The following PIP4K2A variants were observed in gnomAD, a reference collection of about 807,000 sequenced individuals.
The protein encoded by PIP4K2A is phosphatidylinositol 5-phosphate 4-kinase type-2 alpha.
Under a neutral mutation model 42.9 loss-of-function variants are expected in PIP4K2A, and 14 were observed. The ratio of observed to expected loss-of-function variants is 0.33; its 90% CI spans 0.22 to 0.51. PIP4K2A has a LOEUF of 0.51. Among genes scored for constraint, PIP4K2A ranks in the 20% least tolerant of loss-of-function variants. The probability of loss-of-function intolerance (pLI) is 0.97; values close to 1 mark genes in which losing one functional copy is unlikely to be tolerated. For synonymous variants in PIP4K2A, 192 were observed against 192.2 expected, an observed-to-expected ratio of 1.00 and a Z score of 0.01; for missense variants, 434 against 519.8, an observed-to-expected ratio of 0.83 and a Z score of 1.61.
chr10:22,579,669 G>C (rs879556073), intron 4 of PIP4K2A, among the ~76,000 whole-genome samples: 1 of 152,130 alleles, frequency 6.6e-6, no homozygotes, highest in Non-Finnish European at 1.5e-5. Flanking sequence ...ACTTTGGGAG[G>C]CAGGGGAGGG....
Position 22,656,829 on chromosome 10 carries a change from G to A in PIP4K2A, c.145-47112C>T, listed in dbSNP as rs147119009. 4.0e-3 allele frequency among the ~76,000 whole-genome samples: 595 copies of A among 150,576 alleles called. 4 individuals carry two copies. The highest frequency in any genetic ancestry group is 0.014 in the African/African-American group (569 of 41,070). On this transcript the variant is annotated intron_variant, in intron 1 of 9. Transcript: ENST00000376573. ...AAAAAAAAAGCAAAGAAAAAAGAAA[G>A]AGCCAGGCCATGGTAAACTATATGA... is the stretch of plus-strand genomic sequence containing the variant.
In PIP4K2A at chr10:22,591,727, C is replaced by T; in HGVS notation, c.394G>A (p.Ala132Thr). The T allele has an allele frequency of 6.2e-7, 1 of 1,613,648 alleles. No homozygotes were observed. The highest frequency in any genetic ancestry group is 2.2e-5 in the East Asian group (1 of 44,848). ...LPNDSQARSG[A>T]RFHTSYDKRY... ...TTGTCGTAGGAAGTGTGAAAACGAGCTCCACTGCGGGCCTGGGAGTCGTTG... is the reference window on the plus strand; with the variant it reads ...TTGTCGTAGGAAGTGTGAAAACGAGTTCCACTGCGGGCCTGGGAGTCGTTG... The change falls in exon 4 of 10, where the codon GCT (alanine) becomes ACT (threonine). Residue 132 changes from alanine to threonine, a missense_variant. Ala to Thr is a moderately conservative substitution (Grantham distance 58). Transcript: ENST00000376573.
intron 1 of PIP4K2A, among the ~76,000 whole-genome samples, chr10:22,667,992 C>A (rs1839382901): frequency 6.6e-6 from 1 of 151,684 alleles, no homozygotes. Context: ...CACTCTATCA[C>A]CCAGGCTGGA....
intron 6 of PIP4K2A, among the ~76,000 whole-genome samples, chr10:22,564,570 A>C (rs1836792557): frequency 6.6e-6 from 1 of 152,208 alleles, no homozygotes; most frequent in Non-Finnish European, 1.5e-5. Flanking sequence ...TGAGCTTCTC[A>C]TGGGCTAAAA....
At chr10:22,695,516 T>C (rs1253519354) in intron 1 of PIP4K2A, among the ~76,000 whole-genome samples, 1 of 152,092 alleles carries the variant, frequency 6.6e-6, no homozygotes, top group Non-Finnish European at 1.5e-5. Flanking sequence ...AGGGATTTCC[T>C]AGGAGAGCTA....
At chr10:22,607,850 C>A (rs2765997) in intron 3 of PIP4K2A, 77 bp downstream of exon 3, 1 of 812,038 alleles carries the variant, frequency 1.2e-6, no homozygotes, top group African/African-American at 1.7e-5. Context: ...GACAAAAATA[C>A]AGATCCCAAT....
intron 1 of PIP4K2A, among the ~76,000 whole-genome samples, chr10:22,657,082 A>T (rs779687086): frequency 6.6e-6 from 1 of 152,230 alleles, no homozygotes; most frequent in African/African-American, 2.4e-5. Context: ...CTCTAGGGCC[A>T]TATTTTATTT....
chr10:22,701,574 G>T (rs1331452973), intron 1 of PIP4K2A, among the ~76,000 whole-genome samples: 1 of 152,190 alleles, frequency 6.6e-6, no homozygotes, highest in Non-Finnish European at 1.5e-5. Flanking sequence ...CTGGAAGGCT[G>T]CAGAAGTGCC....
intron 1 of PIP4K2A, among the ~76,000 whole-genome samples, chr10:22,672,714 C>T (rs139735031): frequency 3.8e-4 from 58 of 152,296 alleles, no homozygotes; most frequent in African/African-American, 1.3e-3. Flanking sequence ...GACAACCAGA[C>T]AGACGCAGAG....
intron 1 of PIP4K2A, among the ~76,000 whole-genome samples, chr10:22,611,349 C>T (rs922238268): frequency 4.0e-5 from 6 of 151,650 alleles, no homozygotes; most frequent in Non-Finnish European, 7.4e-5. Flanking sequence ...GTGATTGTAC[C>T]ACTGCACTCC....
intron 1 of PIP4K2A, among the ~76,000 whole-genome samples, chr10:22,621,193 C>T (rs566966365): frequency 6.6e-6 from 1 of 152,252 alleles, no homozygotes; most frequent in Non-Finnish European, 1.5e-5. Flanking sequence ...ATCTTGAGGC[C>T]AGCCTAATCC....
intron 6 of PIP4K2A, among the ~76,000 whole-genome samples, chr10:22,556,415 G>C (rs1836550178): frequency 6.6e-6 from 1 of 152,212 alleles, no homozygotes; most frequent in South Asian, 2.1e-4. Flanking sequence ...ACCCAAATGA[G>C]AGTAAAATGT....
chr10:22,541,629 C>CT (rs1204279924), intron 8 of PIP4K2A, among the ~76,000 whole-genome samples, 175 bp downstream of exon 8: 1 of 152,166 alleles, frequency 6.6e-6, no homozygotes. Context: ...TGTTTCAGCA[C>CT]TGAGATCACG....
intron 1 of PIP4K2A, among the ~76,000 whole-genome samples, chr10:22,710,957 T>C (rs1833901928): frequency 6.6e-6 from 1 of 152,254 alleles, no homozygotes; most frequent in Non-Finnish European, 1.5e-5. Context: ...CTCATATCAT[T>C]CAACATCCTC....
chr10:22,674,415 CAA>C (rs1002492534), intron 1 of PIP4K2A, among the ~76,000 whole-genome samples: 52 of 61,128 alleles, frequency 8.5e-4, no homozygotes, highest in African/African-American at 2.2e-3. Flanking sequence ...CACTTGGGAG[CAA>C]AAAAAAAAAA....
Position 22,711,429 on chromosome 10 carries a change from G to A in PIP4K2A, c.144+2754C>T, listed in dbSNP as rs1029588160. On this transcript the variant is annotated intron_variant, in intron 1 of 9. Transcript: ENST00000376573. The stretch of plus-strand genomic sequence containing the variant: ...AATTCCCTGAATGTTGCTGCATTTG[G>A]AAGGTTATAATAGTAAGACAACTTT... Among the ~76,000 whole-genome samples, 7 of 152,190 alleles carry A rather than the reference G, an allele frequency of 4.6e-5. No homozygotes were observed. In the East Asian group the frequency reaches 1.3e-3, roughly 29 times the overall value.
chr10:22,599,038 C>T (rs758360275), intron 3 of PIP4K2A, among the ~76,000 whole-genome samples: 2 of 151,684 alleles, frequency 1.3e-5, no homozygotes, highest in African/African-American at 2.4e-5. Flanking sequence ...CAGCCAAAAT[C>T]AACTTTGGGA....
intron 7 of PIP4K2A, among the ~76,000 whole-genome samples, chr10:22,545,943 T>G (rs1421814131): frequency 6.6e-6 from 1 of 152,198 alleles, no homozygotes; most frequent in African/African-American, 2.4e-5. Context: ...TGGCCTCAAG[T>G]GATCCTCCTG....
At chr10:22,594,773 T>C (rs1298856747) in intron 3 of PIP4K2A, among the ~76,000 whole-genome samples, 7 of 152,226 alleles carry the variant, frequency 4.6e-5, no homozygotes, top group Admixed American at 3.9e-4. Flanking sequence ...AGATACTACC[T>C]CTTCCCCAGT....
Sources: allele counts gnomAD v4.1 joint callset (sites outside exome capture counted in the v4.1 genomes callset), GRCh38; gene constraint gnomAD v4.1.1; transcripts MANE v1.5; gene names NCBI Gene and HGNC (gene_info 2026-07-23, HGNC 2026-07-21).